Variants in PTPRN2 observed in about 807,000 individuals in gnomAD.
PTPRN2 encodes the protein receptor-type tyrosine-protein phosphatase N2.
Under a neutral mutation model 118.8 loss-of-function variants are expected in PTPRN2, and 74 were observed. That is an observed-to-expected ratio of 0.62 (90% confidence interval 0.52 to 0.76). The LOEUF is 0.76. PTPRN2 is among the 30% of genes least tolerant of loss of function. The pLI is 0.00. For synonymous variants in PTPRN2, 641 were observed against 608.0 expected (o/e 1.05, Z -0.80); for missense variants, 1,481 against 1,394.4 (o/e 1.06, Z -0.99).
rs2048580457 is a variant in PTPRN2, at chr7:158,498,604, A to G, written c.113-8819T>C. Among the ~76,000 whole-genome samples the G allele has an allele frequency of 1.3e-5, 2 of 150,772 alleles. 1 individual carries two copies. Among genetic ancestry groups the G allele is most frequent in the South Asian group, 4.3e-4 (2 of 4,688 alleles). ...TTTGTCCTCGATTTCCTGAAATGGG[A>G]TAATACCTTCAAAAGAAGGATGTTT... On this transcript the variant is annotated intron_variant, in intron 1 of 22. Coordinates refer to ENST00000389418, the MANE Select transcript of PTPRN2 (RefSeq NM_002847.5).
intron 3 of PTPRN2, among the ~76,000 whole-genome samples, chr7:158,239,644 A>T (rs569364232): frequency 6.6e-6 from 1 of 152,260 alleles, no homozygotes; most frequent in South Asian, 2.1e-4. Context: ...ACATCAAATG[A>T]TGTCACACCA....
chr7:158,382,267 G>A (rs1165335382), intron 2 of PTPRN2, among the ~76,000 whole-genome samples: 1 of 152,114 alleles, frequency 6.6e-6, no homozygotes, highest in Non-Finnish European at 1.5e-5. Context: ...CAGGACCAGG[G>A]AGGATGGGGC....
intron 9 of PTPRN2, among the ~76,000 whole-genome samples, chr7:158,111,763 G>T (rs1478088833): frequency 2.0e-5 from 3 of 151,730 alleles, no homozygotes; most frequent in Non-Finnish European, 4.4e-5. Context: ...ACATTCTAGA[G>T]ATGCTGGTGA....
intron 10 of PTPRN2, among the ~76,000 whole-genome samples, chr7:158,084,000 T>A (rs1813051840): frequency 6.7e-6 from 1 of 149,136 alleles, no homozygotes; most frequent in Non-Finnish European, 1.5e-5. Context: ...ACTCCATGAG[T>A]CACTGTTCTG....
At chr7:157,814,898 G>C (rs1346290711) in intron 12 of PTPRN2, among the ~76,000 whole-genome samples, 1 of 152,214 alleles carries the variant, frequency 6.6e-6, no homozygotes, top group Non-Finnish European at 1.5e-5. Flanking sequence ...ACGAGTCCCA[G>C]ATGGAGGGAA....
chr7:158,494,721 C>T (rs184374167), intron 1 of PTPRN2, among the ~76,000 whole-genome samples: 8 of 152,248 alleles, frequency 5.3e-5, no homozygotes, highest in South Asian at 4.2e-4. Flanking sequence ...GCAACGGGAA[C>T]GCCAGGACCC....
At chr7:157,802,781 A>G (rs1161142891) in intron 12 of PTPRN2, among the ~76,000 whole-genome samples, 1 of 152,120 alleles carries the variant, frequency 6.6e-6, no homozygotes, top group Non-Finnish European at 1.5e-5. Context: ...GACGTATCTC[A>G]TCGTGGCTCT....
At chr7:158,062,099 C>T (rs748747117) in intron 11 of PTPRN2, among the ~76,000 whole-genome samples, 3 of 152,270 alleles carry the variant, frequency 2.0e-5, no homozygotes, top group Non-Finnish European at 4.4e-5. Flanking sequence ...CTGCAATAGC[C>T]TCAGTAAAGC....
chr7:157,937,910 T>C (rs1350689648), intron 11 of PTPRN2, among the ~76,000 whole-genome samples: 12 of 149,424 alleles, frequency 8.0e-5, no homozygotes, highest in Non-Finnish European at 1.6e-4. Context: ...GGAATCTTCG[T>C]GACTATGTGA....
chr7:157,997,715 G>A (rs549632375), intron 11 of PTPRN2, among the ~76,000 whole-genome samples: 6 of 151,634 alleles, frequency 4.0e-5, no homozygotes, highest in African/African-American at 1.5e-4. Context: ...GCAGGGAGGG[G>A]CAGGCAGAGA....
At chr7:157,937,472 C>T (rs1799786843) in intron 11 of PTPRN2, among the ~76,000 whole-genome samples, 1 of 152,222 alleles carries the variant, frequency 6.6e-6, no homozygotes, top group Non-Finnish European at 1.5e-5. Flanking sequence ...TACTAAGCCG[C>T]TGTTGTCAGG....
intron 1 of PTPRN2, among the ~76,000 whole-genome samples, chr7:158,528,967 G>A (rs1382306351): frequency 6.6e-6 from 1 of 152,162 alleles, no homozygotes; most frequent in Non-Finnish European, 1.5e-5. Context: ...TCCTCAGGGG[G>A]CCAGCCCTGT....
intron 2 of PTPRN2, among the ~76,000 whole-genome samples, chr7:158,462,130 C>A (rs566706698): frequency 1.3e-5 from 2 of 152,340 alleles, no homozygotes; most frequent in East Asian, 3.9e-4. Flanking sequence ...CTCTCTGGGA[C>A]CATCTTGCCC....
At chr7:158,261,383 CCCTTCCCCAGAT>C (rs529494108) in intron 3 of PTPRN2, among the ~76,000 whole-genome samples, 15 of 152,244 alleles carry the variant, frequency 9.9e-5, no homozygotes, top group African/African-American at 3.6e-4. Flanking sequence ...GAGACACAAT[CCCTTCCCCAGAT>C]TCCCAACTGT....
intron 1 of PTPRN2, among the ~76,000 whole-genome samples, chr7:158,524,141 T>G (rs1824555977): frequency 1.5e-5 from 1 of 67,966 alleles, no homozygotes; most frequent in Non-Finnish European, 2.9e-5. Context: ...TGGAGTCATC[T>G]GCCCTGGAGT....
Position 158,462,164 on chromosome 7 carries a change from C to T in PTPRN2, c.163+27571G>A, listed in dbSNP as rs115014221. The stretch of plus-strand genomic sequence containing the variant: ...CCCAGGCTTTGATCCCAACACTCGC[C>T]CTATATCTCCAAATAAAAATAAATT... On this transcript the variant is annotated intron_variant, in intron 2 of 22. Coordinates refer to ENST00000389418, the MANE Select transcript of PTPRN2 (RefSeq NM_002847.5). Among the ~76,000 whole-genome samples, 565 of 127,464 alleles carry T rather than the reference C, an allele frequency of 4.4e-3. 3 individuals carry two copies. The highest frequency in any genetic ancestry group is 0.021 in the South Asian group (79 of 3,742). 83.6% of individuals were successfully genotyped at this position (127,464 alleles called of 152,430 possible). A position where few individuals can be genotyped will look rare whatever the true frequency, so the allele number is the denominator to read the frequency against.
In PTPRN2 at chr7:157,674,057, C is replaced by T. The variant is rs1796543265; in HGVS notation, c.2001+8668G>A. 6.6e-6 allele frequency among the ~76,000 whole-genome samples: 1 copy of T among 152,234 alleles called. No homozygotes were observed. Among genetic ancestry groups the T allele is most frequent in the African/African-American group, 2.4e-5 (1 of 41,468 alleles). On this transcript the variant is annotated intron_variant, in intron 13 of 22. Transcript: ENST00000389418. The surrounding 1 kb of genome is among the most constrained non-coding windows in gnomAD (Gnocchi z 4.5). ...TCCCGAGGTTCCAAGGCTGTCTGCC[C>T]ACCCAGACCCAAGGTGTCCAATCCT...
chr7:158,505,782 C>T (rs921302540), intron 1 of PTPRN2, among the ~76,000 whole-genome samples: 9 of 152,102 alleles, frequency 5.9e-5, no homozygotes, highest in Non-Finnish European at 7.4e-5. Context: ...ATTCTTCCAC[C>T]GTACACGTGT....
At chr7:157,809,312 G>A (rs529712449) in intron 12 of PTPRN2, among the ~76,000 whole-genome samples, 8 of 151,556 alleles carry the variant, frequency 5.3e-5, no homozygotes, top group Non-Finnish European at 1.2e-4. Context: ...TAGGCCCAGG[G>A]TTGGATGAGA....
Sources: allele counts gnomAD v4.1 joint callset (sites outside exome capture counted in the v4.1 genomes callset), GRCh38; gene constraint gnomAD v4.1.1; non-coding constraint Gnocchi (gnomAD v3.1); transcripts MANE v1.5; gene names NCBI Gene and HGNC (gene_info 2026-07-23, HGNC 2026-07-21).